MS4A13: variants seen among roughly 807,000 people sequenced by gnomAD.
MS4A13 encodes the protein membrane spanning 4-domains A13, also known as membrane-spanning 4-domains subfamily A member 13.
Under a neutral mutation model 18.4 loss-of-function variants are expected in MS4A13, and 21 were observed. The ratio of observed to expected loss-of-function variants is 1.14; its 90% CI spans 0.81 to 1.64. The LOEUF (loss-of-function observed/expected upper bound fraction) is 1.64, where lower values mean the gene tolerates loss of function less well. MS4A13 is among the 40% of genes most tolerant of loss of function. The probability of loss-of-function intolerance (pLI) is 0.00; values close to 1 mark genes in which losing one functional copy is unlikely to be tolerated. For synonymous variants in MS4A13, 62 were observed against 57.2 expected (o/e 1.08, Z -0.38); for missense variants, 173 against 176.8 (o/e 0.98, Z 0.12).
In MS4A13 at chr11:60,542,563, G is replaced by C. The variant is rs147835888; in HGVS notation, c.447G>C (p.Glu149Asp). 3.7e-6 allele frequency: 6 copies of C among 1,609,948 alleles called. No homozygotes were observed. In the South Asian group the frequency reaches 4.4e-5, roughly 12 times the overall value. The change falls in exon 7 of 7, where the codon GAG (glutamate) becomes GAC (aspartate). Residue 149 changes from glutamate (E) to aspartate (D), a missense_variant. Coordinates refer to ENST00000378186, the MANE Select transcript of MS4A13 (RefSeq NM_001012417.3). ...TTACATCTGTTACTGAGGAAGCTGAGAGCACTCCTTAAAAACCCTAGAAAT... is the reference window on the plus strand; with the variant it reads ...TTACATCTGTTACTGAGGAAGCTGACAGCACTCCTTAAAAACCCTAGAAAT... Reference protein sequence around the residue: ...NDLTSVTEEAESTP With the variant: ...NDLTSVTEEADSTP
At chr11:60,527,406 C>CGTGTGTG (rs2086725175) in intron 5 of MS4A13, among the ~76,000 whole-genome samples, 2 of 46,084 alleles carry the variant, frequency 4.3e-5, no homozygotes, top group African/African-American at 1.7e-4. Context: ...CTCTCTCTCT[C>CGTGTGTG]TCTCTGTGTG....
chr11:60,529,806 C>T (rs2086751352), intron 6 of MS4A13, among the ~76,000 whole-genome samples: 1 of 152,152 alleles, frequency 6.6e-6, no homozygotes, highest in Admixed American at 6.5e-5. Flanking sequence ...TTGTCACATT[C>T]ATTTTTTGCA....
chr11:60,522,495 T>C lies in MS4A13; in HGVS notation c.130-1402T>C, dbSNP rs189105138. Among the ~76,000 whole-genome samples the C allele has an allele frequency of 2.0e-5, 3 of 152,146 alleles. No individual in the cohort carries two copies. In the East Asian group the frequency reaches 5.8e-4, roughly 29 times the overall value. On this transcript the variant is annotated intron_variant, in intron 3 of 6. Transcript: ENST00000378186. ...TAGCAATAATGAGCAAGGAAACCAC[T>C]TATCCCACACTTCGAACAGATGGAA...
chr11:60,542,562 A>T lies in MS4A13; in HGVS notation c.446A>T (p.Glu149Val), dbSNP rs765127498. 5 of 1,610,118 alleles carry T rather than the reference A, an allele frequency of 3.1e-6. No homozygotes were observed. The highest frequency in any genetic ancestry group is 1.7e-4 in the Middle Eastern group (1 of 6,038). Reference protein sequence around the residue: ...NDLTSVTEEAESTP With the variant: ...NDLTSVTEEAVSTP ...CTTACATCTGTTACTGAGGAAGCTG[A>T]GAGCACTCCTTAAAAACCCTAGAAA... is the stretch of plus-strand genomic sequence containing the variant. Residue 149 changes from glutamate to valine, a missense_variant, in exon 7 of 7, where the codon GAG becomes GTG. Coordinates refer to ENST00000378186, the MANE Select transcript of MS4A13 (RefSeq NM_001012417.3).
chr11:60,524,213 T>C lies in MS4A13; in HGVS notation c.186+260T>C, dbSNP rs573297979. 1.4e-3 allele frequency among the ~76,000 whole-genome samples: 218 copies of C among 152,326 alleles called. 4 individuals are homozygous for C. The South Asian group carries it at 0.044, about 31-fold the overall frequency. ...TTGTTTGATGTTCTGCCTTTTAACA[T>C]TGTGTAAACTTTATAATTAAAAAAT... On this transcript the variant is annotated intron_variant, in intron 4 of 6. Transcript: ENST00000378186.
chr11:60,526,658 A>C (rs1233226536), intron 5 of MS4A13, among the ~76,000 whole-genome samples: 2 of 152,226 alleles, frequency 1.3e-5, no homozygotes, highest in Non-Finnish European at 2.9e-5. Context: ...TTATATACTT[A>C]CACTTGCTAA....
At chr11:60,525,490 T>C (rs118012520) in intron 5 of MS4A13, among the ~76,000 whole-genome samples, 164 bp downstream of exon 5, 1,758 of 152,334 alleles carry the variant, frequency 0.012, 22 homozygotes, top group Middle Eastern at 0.031. Flanking sequence ...AATTCTAGGC[T>C]GTGAGTTTTA....
chr11:60,542,452 A>T, intron 6 of MS4A13, 67 bp from the exon 7 acceptor site: 4 of 1,057,894 alleles, frequency 3.8e-6, no homozygotes, highest in South Asian at 3.0e-5. Flanking sequence ...TAAGAAAAAG[A>T]TCTATTTATT....
intron 6 of MS4A13, among the ~76,000 whole-genome samples, chr11:60,539,899 G>C (rs767752885): frequency 6.6e-5 from 10 of 152,122 alleles, no homozygotes; most frequent in Non-Finnish European, 8.8e-5. Flanking sequence ...GACATACACA[G>C]ATGAATAATG....
intron 3 of MS4A13, among the ~76,000 whole-genome samples, chr11:60,522,054 A>C (rs1349366473): frequency 6.6e-6 from 1 of 152,058 alleles, no homozygotes; most frequent in Non-Finnish European, 1.5e-5. Context: ...CTTATTCACT[A>C]TCACAAGAAC....
rs1565212696 is a variant in MS4A13 at position 60,527,398 on chromosome 11, C to CTGTGTGTGTGTGTGTG, written c.307-1966_307-1965insGTGTGTGTGTGTGTGT. On this transcript the variant is annotated intron_variant, in intron 5 of 6. Coordinates refer to ENST00000378186, the MANE Select transcript of MS4A13 (RefSeq NM_001012417.3). ...TCTCTCTCTCTCTCTCTCTCTCTCT[C>CTGTGTGTGTGTGTGTG]TCTCTCTCTCTCTGTGTGTGTGTGT... is the stretch of plus-strand genomic sequence containing the variant. Among the ~76,000 whole-genome samples, 5 of 93,368 alleles carry CTGTGTGTGTGTGTGTG rather than the reference C, an allele frequency of 5.4e-5. No individual in the cohort carries two copies. In the East Asian group the frequency reaches 1.2e-3, roughly 22 times the overall value. The allele number at this position is 93,368 out of a possible 152,430, so 61.3% of individuals were successfully genotyped here. A position where few individuals can be genotyped will look rare whatever the true frequency, so the allele number is the denominator to read the frequency against.
At chr11:60,539,862 A>G (rs2086842390) in intron 6 of MS4A13, among the ~76,000 whole-genome samples, 1 of 152,112 alleles carries the variant, frequency 6.6e-6, no homozygotes, top group Non-Finnish European at 1.5e-5. Context: ...CTTTAAAACT[A>G]TCCCTCAAAA....
At chr11:60,535,537 T>A (rs1419399934) in intron 6 of MS4A13, among the ~76,000 whole-genome samples, 1 of 120,492 alleles carries the variant, frequency 8.3e-6, no homozygotes, top group African/African-American at 3.3e-5. Context: ...AATCAATAGT[T>A]TACCAACCAA....
rs2086693803 is a variant in MS4A13, at chr11:60,523,820, C to T, written c.130-77C>T. The T allele has an allele frequency of 4.0e-5, 34 of 857,678 alleles. No individual in the cohort carries two copies. In the South Asian group the frequency reaches 5.0e-4, roughly 13 times the overall value. The allele number at this position is 857,678 out of a possible 1,614,324, so 53.1% of individuals were successfully genotyped here. On this transcript the variant is annotated intron_variant, in intron 3 of 6. Transcript: ENST00000378186. ...TAGCATTCTTAAAATAATTGACTTA[C>T]AAGAGAGTTATTAAAAGTACATTCT...
chr11:60,537,986 A>G (rs1305660281), intron 6 of MS4A13, among the ~76,000 whole-genome samples: 5 of 123,558 alleles, frequency 4.0e-5, no homozygotes, highest in Non-Finnish European at 8.0e-5. Flanking sequence ...ATGAGATCAC[A>G]TGGACACAGG....
chr11:60,539,089 C>A (rs2086835560), intron 6 of MS4A13, among the ~76,000 whole-genome samples: 1 of 138,476 alleles, frequency 7.2e-6, no homozygotes, highest in South Asian at 2.4e-4. Context: ...GGACAGCCAA[C>A]AACTTGATTT....
At chr11:60,542,457 T>C in intron 6 of MS4A13, 62 bp from the exon 7 acceptor site, 1 of 1,126,564 alleles carries the variant, frequency 8.9e-7, no homozygotes, top group Admixed American at 2.0e-5. Flanking sequence ...AAAAGATCTA[T>C]TTATTAGTTG....
chr11:60,522,225 T>TAGAC (rs1199832343), intron 3 of MS4A13, among the ~76,000 whole-genome samples: 1 of 143,310 alleles, frequency 7.0e-6, no homozygotes, highest in East Asian at 2.0e-4. Context: ...GATAGATAGA[T>TAGAC]AGATAGATAG....
At chr11:60,523,876 T>C in intron 3 of MS4A13, 21 bp from the exon 4 acceptor site, 1 of 1,338,496 alleles carries the variant, frequency 7.5e-7, no homozygotes, top group Non-Finnish European at 1.1e-6. Context: ...TGAGTATTTA[T>C]AAATATGTTT....
Sources: gnomAD v4.1 joint callset for allele counts (sites outside exome capture counted in the v4.1 genomes callset) on GRCh38, gnomAD v4.1.1 for gene constraint, MANE v1.5 for transcripts, NCBI Gene and HGNC (gene_info 2026-07-23, HGNC 2026-07-21) for gene names.